Variants in PDGFC observed in about 807,000 individuals in gnomAD.
PDGFC encodes platelet-derived growth factor C.
Under a neutral mutation model 35.5 loss-of-function variants are expected in PDGFC, and 12 were observed. The observed-to-expected ratio is 0.34, with a 90% confidence interval of 0.22 to 0.55. PDGFC has a LOEUF of 0.55. Ranked by LOEUF, PDGFC falls within the 20% of genes least tolerant of loss-of-function variation. PDGFC has a pLI of 0.91. For missense variants in PDGFC, 322 were observed against 412.4 expected (o/e 0.78, Z 1.90); for synonymous variants, 159 against 148.8 (o/e 1.07, Z -0.50).
chr4:156,826,548 A>T (rs1303001353), intron 2 of PDGFC, among the ~76,000 whole-genome samples: 6 of 152,124 alleles, frequency 3.9e-5, no homozygotes, highest in Non-Finnish European at 7.4e-5. Context: ...TAAGGTGAAG[A>T]TGAGTCAAAT....
At chr4:156,821,941 G>A (rs1004482658) in intron 2 of PDGFC, among the ~76,000 whole-genome samples, 1 of 152,008 alleles carries the variant, frequency 6.6e-6, no homozygotes, top group African/African-American at 2.4e-5. Flanking sequence ...CAAAACTGCT[G>A]GCTTTTATAA....
chr4:156,796,401 C>T (rs1010182952), intron 3 of PDGFC, among the ~76,000 whole-genome samples: 1 of 150,054 alleles, frequency 6.7e-6, no homozygotes, highest in Admixed American at 6.7e-5. Flanking sequence ...GTATCAATGT[C>T]TGTTTCCAGG....
At chr4:156,871,313 T>TC (rs1560850423) in intron 1 of PDGFC, among the ~76,000 whole-genome samples, 1 of 151,762 alleles carries the variant, frequency 6.6e-6, no homozygotes, top group African/African-American at 2.4e-5. Flanking sequence ...AGATTTATTT[T>TC]TCCCCCCCTG....
intron 1 of PDGFC, among the ~76,000 whole-genome samples, chr4:156,917,754 C>T (rs1731185406): frequency 2.0e-5 from 3 of 152,150 alleles, no homozygotes; most frequent in Non-Finnish European, 2.9e-5. Context: ...TACACTCAAC[C>T]GAATAATTCG....
At chr4:156,784,199 G>A (rs1296773664) in intron 3 of PDGFC, among the ~76,000 whole-genome samples, 1 of 152,172 alleles carries the variant, frequency 6.6e-6, no homozygotes, top group Non-Finnish European at 1.5e-5. Flanking sequence ...GAGCACACAT[G>A]AAAAGAAAAG....
chr4:156,908,004 T>A (rs187988474), intron 1 of PDGFC, among the ~76,000 whole-genome samples: 109 of 152,134 alleles, frequency 7.2e-4, no homozygotes, highest in African/African-American at 2.6e-3. Flanking sequence ...CCGTCTCTAC[T>A]AAAAATACAA....
chr4:156,815,683 AAC>A (rs1472517754), intron 2 of PDGFC, among the ~76,000 whole-genome samples: 1 of 150,966 alleles, frequency 6.6e-6, no homozygotes, highest in Non-Finnish European at 1.5e-5. Flanking sequence ...GAAATCACAA[AAC>A]ACAGTCATCC....
At chr4:156,770,776 A>G (rs936684607) in intron 4 of PDGFC, 1 of 152,098 alleles carries the variant, frequency 6.6e-6, no homozygotes, top group Non-Finnish European at 1.5e-5. Flanking sequence ...AAACAGTAAT[A>G]TTTTTCTTTG....
chr4:156,925,416 CTTG>C (rs1262963488), intron 1 of PDGFC, among the ~76,000 whole-genome samples: 1 of 152,080 alleles, frequency 6.6e-6, no homozygotes, highest in Non-Finnish European at 1.5e-5. Flanking sequence ...AGTTCACTGG[CTTG>C]TTGATGAACT....
chr4:156,830,578 G>T (rs1348596173), intron 2 of PDGFC, among the ~76,000 whole-genome samples: 1 of 152,122 alleles, frequency 6.6e-6, no homozygotes, highest in Non-Finnish European at 1.5e-5. Context: ...TGGCAAATAT[G>T]ATCACATTTT....
intron 1 of PDGFC, among the ~76,000 whole-genome samples, chr4:156,926,896 A>T (rs1731429196): frequency 6.6e-6 from 1 of 152,122 alleles, no homozygotes; most frequent in Admixed American, 6.5e-5. Context: ...CTCTGACCCC[A>T]CATTTCTCTT....
At chr4:156,808,197 G>A (rs928068125) in intron 3 of PDGFC, among the ~76,000 whole-genome samples, 11 of 151,970 alleles carry the variant, frequency 7.2e-5, no homozygotes, top group Non-Finnish European at 4.4e-5. Context: ...TGTGGGTTTT[G>A]GACAACTCTA....
At chr4:156,791,716 T>C (rs1731304261) in intron 3 of PDGFC, among the ~76,000 whole-genome samples, 1 of 152,202 alleles carries the variant, frequency 6.6e-6, no homozygotes, top group Non-Finnish European at 1.5e-5. Flanking sequence ...ATGTTAACTA[T>C]TTAGCTTTAA....
At chr4:156,825,230 C>T (rs1330645839) in intron 2 of PDGFC, among the ~76,000 whole-genome samples, 1 of 151,886 alleles carries the variant, frequency 6.6e-6, no homozygotes, top group African/African-American at 2.4e-5. Flanking sequence ...ATGGGAATGT[C>T]CACATCAAGG....
At chr4:156,832,428 T>A (rs552381056) in intron 2 of PDGFC, among the ~76,000 whole-genome samples, 1 of 152,106 alleles carries the variant, frequency 6.6e-6, no homozygotes, top group East Asian at 1.9e-4. Context: ...GGCTAATTTT[T>A]GTATTTTTAG....
At chr4:156,822,947 T>G (rs559042273) in intron 2 of PDGFC, among the ~76,000 whole-genome samples, 2 of 152,026 alleles carry the variant, frequency 1.3e-5, no homozygotes, top group Non-Finnish European at 2.9e-5. Flanking sequence ...TTGGTCAGGC[T>G]GGTCTCAAAC....
chr4:156,771,893 C>T (rs561737767), intron 4 of PDGFC, among the ~76,000 whole-genome samples: 11 of 152,194 alleles, frequency 7.2e-5, no homozygotes, highest in Admixed American at 3.3e-4. Context: ...TATTTCTATA[C>T]GTTTTCATTT....
chr4:156,808,573 C>T (rs1003041407), intron 3 of PDGFC, among the ~76,000 whole-genome samples: 1 of 151,856 alleles, frequency 6.6e-6, no homozygotes, highest in Admixed American at 6.6e-5. Flanking sequence ...AGGAGGCACA[C>T]TTTCTTGCTT....
At chr4:156,891,624 CTTGCCAGTAAGAAAAGACAAA>C (rs1179625434) in intron 1 of PDGFC, among the ~76,000 whole-genome samples, 4 of 152,128 alleles carry the variant, frequency 2.6e-5, no homozygotes, top group Non-Finnish European at 5.9e-5. Flanking sequence ...TGTTTTCCAC[CTTGCCAGTAAGAAAAGACAAA>C]TTGAAATAAC....
Sources: gnomAD v4.1 joint callset for allele counts (sites outside exome capture counted in the v4.1 genomes callset) on GRCh38, gnomAD v4.1.1 for gene constraint, MANE v1.5 for transcripts, NCBI Gene and HGNC (gene_info 2026-07-23, HGNC 2026-07-21) for gene names.